SPANXN1: variants seen among roughly 807,000 people sequenced by gnomAD.
The protein encoded by SPANXN1 is SPANX family member N1.
SPANXN1 carries 1 observed loss-of-function variant against 2.0 expected under a neutral mutation model. The observed-to-expected ratio is 0.50, with a 90% CI of 0.18 to 2.36. The LOEUF is 2.36. Among genes scored for constraint, SPANXN1 ranks in the 30% most tolerant of loss-of-function variants. SPANXN1 has a pLI of 0.26. For missense variants in SPANXN1, 55 were observed against 51.8 expected (o/e 1.06, Z -0.19); for synonymous variants, 27 against 21.3 (o/e 1.27, Z -0.74).
chrX:145,249,080 G>A (rs782128312), intron 1 of SPANXN1, among the ~76,000 whole-genome samples: 3 of 111,404 alleles, frequency 2.7e-5, no homozygotes, highest in Non-Finnish European at 3.8e-5. Context: ...GTGATTAGCC[G>A]AGCAAGATTA....
At chrX:145,254,612 C>T (rs1448213665) in intron 1 of SPANXN1, among the ~76,000 whole-genome samples, 1 of 112,339 alleles carries the variant, frequency 8.9e-6, no homozygotes, top group African/African-American at 3.2e-5. Context: ...AGGCTGTCCC[C>T]TGAGAAGGGA....
At chrX:145,249,579 C>T (rs1340639817) in intron 1 of SPANXN1, among the ~76,000 whole-genome samples, 1 of 111,274 alleles carries the variant, frequency 9.0e-6, no homozygotes, top group African/African-American at 3.3e-5. Flanking sequence ...GAGGCTGGTC[C>T]TGTGAGGGAA....
At chrX:145,251,539 C>T (rs1179278083) in intron 1 of SPANXN1, among the ~76,000 whole-genome samples, 1 of 111,575 alleles carries the variant, frequency 9.0e-6, no homozygotes, top group East Asian at 2.8e-4. Context: ...TGTGCAATGG[C>T]TTCTGGGGCG....
chrX:145,249,065 G>T (rs1344897826), intron 1 of SPANXN1, among the ~76,000 whole-genome samples: 1 of 111,369 alleles, frequency 9.0e-6, no homozygotes, highest in Admixed American at 9.6e-5. Context: ...GGATTGGGGG[G>T]AAAGGTGATT....
Position 145,256,189 on chromosome X carries a change from GATAA to G in SPANXN1, c.*383_*386del, listed in dbSNP as rs782204007. The G allele has an allele frequency of 2.9e-6, 1 of 350,266 alleles. No homozygotes were observed. The highest frequency in any genetic ancestry group is 4.2e-5 in the South Asian group (1 of 23,713). The allele number at this position is 350,266 out of a possible 1,213,427, so 28.9% of individuals were successfully genotyped here. A position where few individuals can be genotyped will look rare whatever the true frequency, so the allele number is the denominator to read the frequency against. ...CAGAAATTCTCCAAGGAAGGAGCCAGATAAATAAATATTCTGATTTCATTTTCCT... is the reference window on the plus strand; with the variant it reads ...CAGAAATTCTCCAAGGAAGGAGCCAGATAAATATTCTGATTTCATTTTCCT... On this transcript the variant is annotated 3_prime_UTR_variant, in exon 2 of 2. Coordinates refer to ENST00000370493, the MANE Select transcript of SPANXN1 (RefSeq NM_001009614.3).
chrX:145,256,116 A>C lies in SPANXN1; in HGVS notation c.*302A>C. 1 of 449,906 alleles carries C rather than the reference A, an allele frequency of 2.2e-6. No individual in the cohort carries two copies. The highest frequency in any genetic ancestry group is 3.9e-6 in the Non-Finnish European group (1 of 255,458). 37.1% of individuals were successfully genotyped at this position (449,906 alleles called of 1,213,427 possible). A position where few individuals can be genotyped will look rare whatever the true frequency, so the allele number is the denominator to read the frequency against. ...TCACAGGAGGATGAAGACCTAGAGA[A>C]AAAGCGATCATCTAGGTCAAGAAAT... On this transcript the variant is annotated 3_prime_UTR_variant, in exon 2 of 2. Transcript: ENST00000370493.
intron 1 of SPANXN1, among the ~76,000 whole-genome samples, chrX:145,255,229 C>A (rs2070803618): frequency 1.8e-5 from 2 of 111,560 alleles, no homozygotes; most frequent in East Asian, 5.7e-4. Flanking sequence ...TGCTGCCAGG[C>A]AGGATATTGA....
intron 1 of SPANXN1, among the ~76,000 whole-genome samples, chrX:145,255,018 G>T (rs1361205529): frequency 1.8e-5 from 2 of 111,299 alleles, no homozygotes; most frequent in African/African-American, 6.6e-5. Context: ...ACCACTCCAG[G>T]TTTTGACACC....
Position 145,255,106 on chromosome X carries a change from G to T in SPANXN1, c.76-565G>T, listed in dbSNP as rs1288035625. ...TGGGGCAGCTCAAACAGCAACACAG[G>T]AATATTGCAGAAACTTGTGGAAGTG... On this transcript the variant is annotated intron_variant, in intron 1 of 1. Transcript: ENST00000370493. 2.7e-5 allele frequency among the ~76,000 whole-genome samples: 3 copies of T among 111,796 alleles called. No individual in the cohort carries two copies. In the Admixed American group the frequency reaches 2.8e-4, roughly 11 times the overall value.
chrX:145,249,634 T>G (rs181118289), intron 1 of SPANXN1, among the ~76,000 whole-genome samples: 1 of 108,731 alleles, frequency 9.2e-6, no homozygotes, highest in Admixed American at 9.6e-5. Context: ...GTGGATCTGG[T>G]GCTCTTTTTA....
chrX:145,248,341 A>G (rs782084492), intron 1 of SPANXN1, among the ~76,000 whole-genome samples: 1 of 111,143 alleles, frequency 9.0e-6, no homozygotes, highest in African/African-American at 3.3e-5. Flanking sequence ...CCTTCGGGAG[A>G]TAAAGCAGGA....
At chrX:145,250,382 G>A in intron 1 of SPANXN1, among the ~76,000 whole-genome samples, 1 of 111,470 alleles carries the variant, frequency 9.0e-6, no homozygotes, top group East Asian at 2.8e-4. Context: ...GCCCTGGTAA[G>A]TGTCCTCAGG....
chrX:145,248,996 G>A (rs1444265017), intron 1 of SPANXN1, among the ~76,000 whole-genome samples: 1 of 111,473 alleles, frequency 9.0e-6, no homozygotes, highest in Non-Finnish European at 1.9e-5. Context: ...GTTTAGTTAA[G>A]AGGCTATGAG....
Position 145,247,793 on chromosome X carries a change from A to G in SPANXN1, c.75+132A>G, listed in dbSNP as rs190583847. The G allele has an allele frequency of 2.5e-3, 1,954 of 788,874 alleles. 17 individuals carry two copies. The African/African-American group carries it at 0.035, about 14-fold the overall frequency. 65.0% of individuals were successfully genotyped at this position (788,874 alleles called of 1,213,427 possible). ...GGAGACCCGCTTAATGCCAGAGCCC[A>G]CCGCCGCTTACAGCCTGGGGTGCTT... On this transcript the variant is annotated intron_variant, in intron 1 of 1. Transcript: ENST00000370493.
intron 1 of SPANXN1, among the ~76,000 whole-genome samples, chrX:145,248,392 G>A (rs2070770955): frequency 9.0e-6 from 1 of 111,310 alleles, no homozygotes; most frequent in South Asian, 3.8e-4. Flanking sequence ...ACTATCAGGA[G>A]GAGGAAGATT....
intron 1 of SPANXN1, among the ~76,000 whole-genome samples, chrX:145,249,915 T>C (rs1336494196): frequency 9.0e-6 from 1 of 110,786 alleles, no homozygotes; most frequent in African/African-American, 3.3e-5. Context: ...GGGGAGAAAA[T>C]ACGGGGATAT....
chrX:145,248,763 A>G (rs1556882124), intron 1 of SPANXN1, among the ~76,000 whole-genome samples: 1 of 111,405 alleles, frequency 9.0e-6, no homozygotes, highest in Non-Finnish European at 1.9e-5. Context: ...TTGGTGGTGG[A>G]GGAGGTGAAG....
In SPANXN1 at chrX:145,254,455, C is replaced by T. The variant is rs180797723; in HGVS notation, c.76-1216C>T. 1.2e-4 allele frequency among the ~76,000 whole-genome samples: 13 copies of T among 111,853 alleles called. 1 individual carries two copies. The East Asian group carries it at 2.6e-3, about 22-fold the overall frequency. On this transcript the variant is annotated intron_variant, in intron 1 of 1. Transcript: ENST00000370493. Reference sequence around the variant, plus strand: ...CTGGAAGAGAGTGAATATCCCAGAGCGGAGTGAGTTCTCCAGAGGGAAGTG... The same window carrying T: ...CTGGAAGAGAGTGAATATCCCAGAGTGGAGTGAGTTCTCCAGAGGGAAGTG...
In SPANXN1 at chrX:145,255,943, G is replaced by A; in HGVS notation, c.*129G>A. 1.8e-6 allele frequency: 2 copies of A among 1,132,931 alleles called. No individual in the cohort carries two copies. Among genetic ancestry groups the A allele is most frequent in the Non-Finnish European group, 2.4e-6 (2 of 825,651 alleles). The allele number at this position is 1,132,931 out of a possible 1,213,427, so 93.4% of individuals were successfully genotyped here. On this transcript the variant is annotated 3_prime_UTR_variant, in exon 2 of 2. Transcript: ENST00000370493. ...ACTCAGCTGAAGGATCTTCAAAGCA[G>A]GATGAAGACCTAGACTTACCTGAAG...
Sources: allele counts gnomAD v4.1 joint callset (sites outside exome capture counted in the v4.1 genomes callset), GRCh38; gene constraint gnomAD v4.1.1; transcripts MANE v1.5; gene names NCBI Gene and HGNC (gene_info 2026-07-23, HGNC 2026-07-21).